The following SLC4A4 variants were observed in gnomAD, a reference collection of about 807,000 sequenced individuals.
SLC4A4 encodes electrogenic sodium bicarbonate cotransporter 1.
A neutral mutation model predicts 111.5 loss-of-function variants in SLC4A4; 27 were observed. That is an observed-to-expected ratio of 0.24 (90% confidence interval 0.18 to 0.33). SLC4A4 has a LOEUF of 0.33. SLC4A4 is among the 10% of genes least tolerant of loss of function. The pLI is 1.00. For synonymous variants in SLC4A4, 443 were observed against 463.4 expected, an observed-to-expected ratio of 0.96 and a Z score of 0.57; for missense variants, 909 against 1,315.5, an observed-to-expected ratio of 0.69 and a Z score of 4.78.
At chr4:71,506,981 A>C (rs1194359155) in intron 16 of SLC4A4, among the ~76,000 whole-genome samples, 1 of 152,136 alleles carries the variant, frequency 6.6e-6, no homozygotes, top group Admixed American at 6.6e-5. Flanking sequence ...AGAATATTGT[A>C]TCTCACCAAA....
At chr4:71,253,239 TC>T (rs1473691077) in intron 2 of SLC4A4, among the ~76,000 whole-genome samples, 2 of 152,162 alleles carry the variant, frequency 1.3e-5, no homozygotes, top group African/African-American at 4.8e-5. Context: ...CCTAACTCTT[TC>T]ATTAGATTGA....
chr4:71,367,006 A>G (rs2148927219), intron 6 of SLC4A4, among the ~76,000 whole-genome samples: 1 of 152,264 alleles, frequency 6.6e-6, no homozygotes, highest in East Asian at 1.9e-4. Context: ...GGGCAGTTCC[A>G]TTTTCATGCC....
intron 1 of SLC4A4, among the ~76,000 whole-genome samples, chr4:71,223,395 C>T (rs571973152): frequency 1.3e-5 from 2 of 152,030 alleles, no homozygotes; most frequent in Admixed American, 6.5e-5. Flanking sequence ...AATTTCCTGA[C>T]CTCGTGATCT....
At chr4:71,093,194 A>C (rs1285536404) in intron 2 of SLC4A4, among the ~76,000 whole-genome samples, 2 of 151,766 alleles carry the variant, frequency 1.3e-5, no homozygotes, top group Admixed American at 1.3e-4. Context: ...CTTGAGACAG[A>C]GTCTTGCTCT....
intron 3 of SLC4A4, among the ~76,000 whole-genome samples, chr4:71,294,978 C>T (rs1352391169): frequency 3.9e-5 from 6 of 152,166 alleles, no homozygotes; most frequent in African/African-American, 1.4e-4. Flanking sequence ...TTTTCTGAGA[C>T]TAGTATTTAC....
intron 1 of SLC4A4, among the ~76,000 whole-genome samples, chr4:71,214,158 T>C (rs951746726): frequency 6.6e-6 from 1 of 152,208 alleles, no homozygotes; most frequent in Non-Finnish European, 1.5e-5. Context: ...TGGCATGAAC[T>C]GATCCTGTAC....
chr4:71,156,706 C>T (rs922363654), intron 2 of SLC4A4, among the ~76,000 whole-genome samples: 4 of 151,698 alleles, frequency 2.6e-5, no homozygotes, highest in Non-Finnish European at 5.9e-5. Context: ...AGATACATAA[C>T]ATAACAGCCC....
upstream of SLC4A4, among the ~76,000 whole-genome samples, chr4:71,185,065 C>T (rs900594791): frequency 1.3e-5 from 2 of 152,144 alleles, no homozygotes; most frequent in African/African-American, 2.4e-5. Flanking sequence ...AAATTCTTGC[C>T]AATCTTTGTA....
intron 5 of SLC4A4, among the ~76,000 whole-genome samples, chr4:71,350,727 T>TA (rs1301950899): frequency 6.6e-6 from 1 of 152,206 alleles, no homozygotes; most frequent in Non-Finnish European, 1.5e-5. Flanking sequence ...ATGTCATAGA[T>TA]AAGCCTTTTG....
chr4:71,422,619 C>A (rs1263664493), intron 7 of SLC4A4, among the ~76,000 whole-genome samples: 2 of 151,924 alleles, frequency 1.3e-5, no homozygotes, highest in Non-Finnish European at 2.9e-5. Context: ...TCCAGCAGCA[C>A]ATCAAAAAGC....
intron 2 of SLC4A4, among the ~76,000 whole-genome samples, chr4:71,160,832 C>T (rs913729354): frequency 6.6e-6 from 1 of 152,130 alleles, no homozygotes; most frequent in African/African-American, 2.4e-5. Context: ...AGGATTTGCA[C>T]TAATTTTTCT....
chr4:71,168,021 T>C lies in SLC4A4; in HGVS notation c.-1-68555T>C, dbSNP rs574951342. ...TATTTATTTGTTTTTTTAAAATTTTTATAATTTTTGTGAATACATAGTAGG... is the reference window on the plus strand; with the variant it reads ...TATTTATTTGTTTTTTTAAAATTTTCATAATTTTTGTGAATACATAGTAGG... On this transcript the variant is annotated intron_variant, in intron 2 of 26. Coordinates refer to the SLC4A4 transcript ENST00000649996. 2.4e-4 allele frequency among the ~76,000 whole-genome samples: 37 copies of C among 152,056 alleles called. No homozygotes were observed. In the South Asian group the frequency reaches 7.5e-3, roughly 31 times the overall value.
Position 71,536,465 on chromosome 4 carries a change from C to CATATATAT in SLC4A4, c.2442+2092_2442+2099dup, listed in dbSNP as rs869091643. On this transcript the variant is annotated intron_variant, in intron 18 of 25. Coordinates refer to ENST00000264485, the MANE Select transcript of SLC4A4 (RefSeq NM_001098484.3). ...GCATATATACATATATACATATATA[C>CATATATAT]ATATATATATATATATATATATGTA... Among the ~76,000 whole-genome samples the CATATATAT allele has an allele frequency of 1.2e-3, 48 of 40,700 alleles. 1 individual carries two copies. The highest frequency in any genetic ancestry group is 3.4e-3 in the African/African-American group (43 of 12,474). The allele number at this position is 40,700 out of a possible 152,430, so 26.7% of individuals were successfully genotyped here.
At position 71,453,155 on chromosome 4, in the gene SLC4A4, C is replaced by T. The variant is rs141251519; in HGVS notation, c.1323-340C>T. On this transcript the variant is annotated intron_variant, in intron 11 of 25. Coordinates refer to ENST00000264485, the MANE Select transcript of SLC4A4 (RefSeq NM_001098484.3). ...AATGAGGGTGGAAAGGGTACTATGG[C>T]GAGATGATGAAGGGCCTTTATATGA... 4.3e-4 allele frequency among the ~76,000 whole-genome samples: 65 copies of T among 152,082 alleles called. 1 individual carries two copies. Among genetic ancestry groups the T allele is most frequent in the African/African-American group, 1.5e-3 (63 of 41,462 alleles).
At chr4:71,183,840 A>G (rs1249937042), upstream of SLC4A4, among the ~76,000 whole-genome samples, 1 of 152,200 alleles carries the variant, frequency 6.6e-6, no homozygotes, top group Non-Finnish European at 1.5e-5. Flanking sequence ...ATATTGACAA[A>G]CATCTCTGAT....
At chr4:71,420,354 C>T (rs1039422469) in intron 7 of SLC4A4, among the ~76,000 whole-genome samples, 30 of 151,632 alleles carry the variant, frequency 2.0e-4, no homozygotes, top group Middle Eastern at 6.8e-3. Context: ...CCAAATCTAT[C>T]TCTGATTGGT....
chr4:71,357,324 T>C, intron 6 of SLC4A4, 137 bp downstream of exon 6: 3 of 865,274 alleles, frequency 3.5e-6, no homozygotes. Flanking sequence ...CATTTCATAT[T>C]GACATTTTTA....
chr4:71,170,398 A>C (rs886457174), intron 2 of SLC4A4, among the ~76,000 whole-genome samples: 8 of 152,184 alleles, frequency 5.3e-5, no homozygotes, highest in Non-Finnish European at 1.0e-4. Context: ...TTACATGTTT[A>C]AGTCTAATTT....
intron 1 of SLC4A4, among the ~76,000 whole-genome samples, chr4:71,192,714 G>C (rs542011696): frequency 6.6e-6 from 1 of 151,384 alleles, no homozygotes; most frequent in Non-Finnish European, 1.5e-5. Flanking sequence ...AATACATATG[G>C]TCAGAAAATT....
Sources: allele counts gnomAD v4.1 joint callset (sites outside exome capture counted in the v4.1 genomes callset), GRCh38; gene constraint gnomAD v4.1.1; transcripts MANE v1.5; gene names NCBI Gene and HGNC (gene_info 2026-07-23, HGNC 2026-07-21).